SPOCK3: variants seen among roughly 807,000 people sequenced by gnomAD.
The protein encoded by SPOCK3 is testican-3.
SPOCK3 carries 30 observed loss-of-function variants against 56.6 expected under a neutral mutation model. The ratio of observed to expected loss-of-function variants is 0.53; its 90% confidence interval spans 0.40 to 0.72. SPOCK3 has a LOEUF of 0.72. Ranked by LOEUF, SPOCK3 falls within the 30% of genes least tolerant of loss-of-function variation. The probability of loss-of-function intolerance (pLI) is 0.00; values close to 1 mark genes in which losing one functional copy is unlikely to be tolerated. For synonymous variants in SPOCK3, 196 were observed against 183.3 expected (o/e 1.07, Z -0.56); for missense variants, 527 against 530.0 (o/e 0.99, Z 0.06).
intron 2 of SPOCK3, among the ~76,000 whole-genome samples, chr4:167,126,062 T>C (rs140223918): frequency 6.6e-6 from 1 of 152,184 alleles, no homozygotes; most frequent in Non-Finnish European, 1.5e-5. Context: ...GGCTTGAAAA[T>C]ATATACTTAT....
intron 3 of SPOCK3, among the ~76,000 whole-genome samples, chr4:167,009,171 A>G (rs1749772518): frequency 6.6e-6 from 1 of 152,038 alleles, no homozygotes; most frequent in East Asian, 1.9e-4. Context: ...CAAACATCCA[A>G]CAACAACAAA....
chr4:166,846,838 CAGA>C (rs1221070076), intron 6 of SPOCK3, among the ~76,000 whole-genome samples: 1 of 151,716 alleles, frequency 6.6e-6, no homozygotes, highest in East Asian at 1.9e-4. Flanking sequence ...AGAAATGAAC[CAGA>C]AGATTTAAAA....
At chr4:166,831,093 G>A (rs1745996393) in intron 6 of SPOCK3, among the ~76,000 whole-genome samples, 1 of 152,052 alleles carries the variant, frequency 6.6e-6, no homozygotes, top group African/African-American at 2.4e-5. Flanking sequence ...AAATCTGTAG[G>A]AATTTTAATT....
intron 4 of SPOCK3, among the ~76,000 whole-genome samples, chr4:166,989,172 A>G (rs1333225330): frequency 6.6e-6 from 1 of 151,994 alleles, no homozygotes; most frequent in African/African-American, 2.4e-5. Context: ...TTATTTGCTA[A>G]CACAGTTAGT....
At chr4:167,234,497 C>T, upstream of SPOCK3, 1 of 361,806 alleles carries the variant, frequency 2.8e-6, no homozygotes, top group South Asian at 5.3e-5. Flanking sequence ...GGAAATGCAG[C>T]CCTGCTCTGC....
intron 2 of SPOCK3, among the ~76,000 whole-genome samples, chr4:167,064,103 CTTTAA>C (rs1324631627): frequency 1.3e-5 from 2 of 151,578 alleles, no homozygotes; most frequent in African/African-American, 2.4e-5. Context: ...AAATGCAATC[CTTTAA>C]TTTATTTATG....
At chr4:167,018,544 G>A (rs1044504948) in intron 3 of SPOCK3, among the ~76,000 whole-genome samples, 4 of 152,078 alleles carry the variant, frequency 2.6e-5, no homozygotes, top group South Asian at 2.1e-4. Context: ...CTGTGCACTC[G>A]ATGACCAATG....
At chr4:167,108,245 G>A (rs1004457072) in intron 2 of SPOCK3, among the ~76,000 whole-genome samples, 4 of 151,914 alleles carry the variant, frequency 2.6e-5, no homozygotes, top group African/African-American at 9.7e-5. Flanking sequence ...GAACAGTTGG[G>A]AGGTTCCTCA....
chr4:166,800,032 A>T (rs1742376729), intron 6 of SPOCK3, among the ~76,000 whole-genome samples: 1 of 151,788 alleles, frequency 6.6e-6, no homozygotes, highest in Non-Finnish European at 1.5e-5. Context: ...ATACAAAAAA[A>T]TTAGCCGGGC....
intron 2 of SPOCK3, among the ~76,000 whole-genome samples, chr4:167,086,231 A>G (rs1281639436): frequency 6.6e-6 from 1 of 152,146 alleles, no homozygotes. Context: ...ATAATAGTTC[A>G]TCAGAAGACA....
intron 3 of SPOCK3, chr4:167,011,352 T>C (rs1750044870): frequency 2.2e-6 from 1 of 454,314 alleles, no homozygotes; most frequent in Non-Finnish European, 4.4e-6. Context: ...AGCATACCTA[T>C]TCAAACAACC....
At chr4:166,976,422 C>T (rs1057120541) in intron 4 of SPOCK3, among the ~76,000 whole-genome samples, 6 of 152,048 alleles carry the variant, frequency 3.9e-5, no homozygotes, top group Non-Finnish European at 8.8e-5. Context: ...TCAGTATAGC[C>T]CAAGAGTTTA....
intron 4 of SPOCK3, among the ~76,000 whole-genome samples, chr4:166,942,538 G>A (rs893448072): frequency 6.7e-6 from 1 of 149,582 alleles, no homozygotes; most frequent in African/African-American, 2.5e-5. Flanking sequence ...CATGAACTCT[G>A]GAAATACTGA....
chr4:166,781,064 T>C (rs959110762), intron 7 of SPOCK3, among the ~76,000 whole-genome samples: 3 of 152,112 alleles, frequency 2.0e-5, no homozygotes, highest in South Asian at 2.1e-4. Flanking sequence ...CTAAAAGCCA[T>C]GCAAAAGAAG....
chr4:166,967,827 CA>C (rs147294532), intron 4 of SPOCK3, among the ~76,000 whole-genome samples: 1 of 151,812 alleles, frequency 6.6e-6, no homozygotes, highest in African/African-American at 2.4e-5. Context: ...CTGAGGGGCT[CA>C]AAAAAAGACA....
At chr4:167,064,709 C>T (rs1306481201) in intron 2 of SPOCK3, among the ~76,000 whole-genome samples, 1 of 151,702 alleles carries the variant, frequency 6.6e-6, no homozygotes, top group Non-Finnish European at 1.5e-5. Flanking sequence ...GGCTCTACCA[C>T]TTATTAGCTG....
intron 4 of SPOCK3, among the ~76,000 whole-genome samples, chr4:166,990,124 C>A (rs937427664): frequency 2.0e-5 from 3 of 152,186 alleles, no homozygotes; most frequent in Non-Finnish European, 4.4e-5. Context: ...CCTGCCCTGG[C>A]AGGCACTTTC....
At chr4:166,741,246 G>A (rs1222479151) in intron 9 of SPOCK3, among the ~76,000 whole-genome samples, 1 of 152,116 alleles carries the variant, frequency 6.6e-6, no homozygotes, top group South Asian at 2.1e-4. Context: ...TACTTAATAG[G>A]ATTATAGCAA....
At chr4:167,025,542 G>C (rs1421301149) in intron 3 of SPOCK3, among the ~76,000 whole-genome samples, 1 of 151,918 alleles carries the variant, frequency 6.6e-6, no homozygotes, top group African/African-American at 2.4e-5. Context: ...TGATCATCCA[G>C]GGGTTTCTCC....
Sources: allele counts gnomAD v4.1 joint callset (sites outside exome capture counted in the v4.1 genomes callset), GRCh38; gene constraint gnomAD v4.1.1; transcripts MANE v1.5; gene names NCBI Gene and HGNC (gene_info 2026-07-23, HGNC 2026-07-21).